Variants in KCNJ3 observed in about 807,000 individuals in gnomAD.
KCNJ3 encodes G protein-activated inward rectifier potassium channel 1.
In KCNJ3, 4 loss-of-function variants were observed where a neutral mutation model predicts 39.2. The observed-to-expected ratio is 0.10, with a 90% CI of 0.05 to 0.23. KCNJ3 has a LOEUF of 0.23. Ranked by LOEUF, KCNJ3 falls within the 10% of genes least tolerant of loss-of-function variation. The pLI, the probability that KCNJ3 is intolerant of heterozygous loss-of-function variation, is 1.00. For synonymous variants in KCNJ3, 230 were observed against 237.4 expected, an observed-to-expected ratio of 0.97 and a Z score of 0.29; for missense variants, 276 against 634.9, an observed-to-expected ratio of 0.43 and a Z score of 6.08.
At chr2:154,813,060 C>A (rs1687028786) in intron 2 of KCNJ3, among the ~76,000 whole-genome samples, 1 of 152,124 alleles carries the variant, frequency 6.6e-6, no homozygotes, top group Non-Finnish European at 1.5e-5. Context: ...GTAAGGGTAA[C>A]TCATTAACCC....
At chr2:154,727,770 C>T (rs1022693056) in intron 2 of KCNJ3, among the ~76,000 whole-genome samples, 17 of 151,408 alleles carry the variant, frequency 1.1e-4, no homozygotes, top group African/African-American at 3.6e-4. Flanking sequence ...TTAAAAATGG[C>T]GTTTATAATA....
intron 2 of KCNJ3, among the ~76,000 whole-genome samples, chr2:154,830,984 C>A (rs1316693162): frequency 6.6e-6 from 1 of 152,092 alleles, no homozygotes. Context: ...CTTCTAAATC[C>A]AATTAGTTGT....
intron 2 of KCNJ3, among the ~76,000 whole-genome samples, chr2:154,787,571 TA>T (rs1280985918): frequency 1.3e-5 from 2 of 152,054 alleles, no homozygotes; most frequent in African/African-American, 4.8e-5. Context: ...TACCTCTTCT[TA>T]TTCTTTCTGT....
rs1190035384 is a variant in KCNJ3 at position 154,856,584 on chromosome 2, G to T, written c.*1271G>T. On this transcript the variant is annotated 3_prime_UTR_variant, in exon 3 of 3. Coordinates refer to ENST00000295101, the MANE Select transcript of KCNJ3 (RefSeq NM_002239.4). ...CCTGTCACTTATAGTTCAGGAGGAAGTTTTTGCACAGACCAGAGAGAAATT... is the reference window on the plus strand; with the variant it reads ...CCTGTCACTTATAGTTCAGGAGGAATTTTTTGCACAGACCAGAGAGAAATT... The T allele has an allele frequency of 1.3e-5, 2 of 152,122 alleles. No homozygotes were observed. Among genetic ancestry groups the T allele is most frequent in the Non-Finnish European group, 2.9e-5 (2 of 67,998 alleles). 9.4% of individuals were successfully genotyped at this position (152,122 alleles called of 1,614,324 possible). A position where few individuals can be genotyped will look rare whatever the true frequency, so the allele number is the denominator to read the frequency against.
intron 2 of KCNJ3, among the ~76,000 whole-genome samples, chr2:154,800,419 G>A (rs1241971763): frequency 6.6e-6 from 1 of 152,124 alleles, no homozygotes; most frequent in Non-Finnish European, 1.5e-5. Flanking sequence ...TTTGTGAAAT[G>A]GAGGACGGGA....
At chr2:154,851,735 G>A (rs1397911537) in intron 2 of KCNJ3, among the ~76,000 whole-genome samples, 1 of 152,120 alleles carries the variant, frequency 6.6e-6, no homozygotes, top group Non-Finnish European at 1.5e-5. Flanking sequence ...TGGCATTTCA[G>A]TAACAATGAT....
At chr2:154,745,589 C>T (rs1271698571) in intron 2 of KCNJ3, among the ~76,000 whole-genome samples, 2 of 151,904 alleles carry the variant, frequency 1.3e-5, no homozygotes, top group Non-Finnish European at 2.9e-5. Flanking sequence ...CCATTGTTTT[C>T]AAATGTGATT....
chr2:154,802,372 T>C (rs548853952), intron 2 of KCNJ3, among the ~76,000 whole-genome samples: 2 of 152,258 alleles, frequency 1.3e-5, no homozygotes, highest in South Asian at 4.1e-4. Context: ...TATTATCGTT[T>C]CCTGATATTA....
chr2:154,706,797 A>G (rs371411738), intron 1 of KCNJ3, among the ~76,000 whole-genome samples: 18 of 152,232 alleles, frequency 1.2e-4, no homozygotes, highest in African/African-American at 3.8e-4. Context: ...CATGTGACTG[A>G]ACACTGCTAA....
At chr2:154,805,371 A>T (rs1686892185) in intron 2 of KCNJ3, among the ~76,000 whole-genome samples, 1 of 152,172 alleles carries the variant, frequency 6.6e-6, no homozygotes, top group Non-Finnish European at 1.5e-5. Context: ...GCCGGGCTGA[A>T]ATGAAGGAGA....
intron 1 of KCNJ3, among the ~76,000 whole-genome samples, chr2:154,700,968 T>A (rs1359392225): frequency 1.3e-5 from 2 of 152,176 alleles, no homozygotes; most frequent in Non-Finnish European, 2.9e-5. Flanking sequence ...ATAATTTGGG[T>A]AGATCATATT....
chr2:154,702,114 G>C (rs1358051344), intron 1 of KCNJ3, among the ~76,000 whole-genome samples: 1 of 151,792 alleles, frequency 6.6e-6, no homozygotes, highest in Non-Finnish European at 1.5e-5. Context: ...CAAAATCTTG[G>C]CATAATAATA....
intron 2 of KCNJ3, among the ~76,000 whole-genome samples, chr2:154,772,964 A>T (rs1395539628): frequency 6.6e-6 from 1 of 152,120 alleles, no homozygotes; most frequent in Non-Finnish European, 1.5e-5. Context: ...AATATATTTT[A>T]TTCTAGAAAA....
At chr2:154,848,448 A>T (rs1013354314) in intron 2 of KCNJ3, among the ~76,000 whole-genome samples, 1 of 152,206 alleles carries the variant, frequency 6.6e-6, no homozygotes, top group South Asian at 2.1e-4. Context: ...TTTTATGTTT[A>T]TAATTAGCAA....
chr2:154,766,385 CTT>C (rs1283710474), intron 2 of KCNJ3, among the ~76,000 whole-genome samples: 1 of 151,976 alleles, frequency 6.6e-6, no homozygotes, highest in Non-Finnish European at 1.5e-5. Context: ...TGGCAAGAAA[CTT>C]AGGAAAGATA....
chr2:154,812,574 A>G (rs909910655), intron 2 of KCNJ3, among the ~76,000 whole-genome samples: 2 of 152,096 alleles, frequency 1.3e-5, no homozygotes, highest in East Asian at 1.9e-4. Context: ...GTTGCTTGGA[A>G]TTTCTTGTAG....
At chr2:154,760,057 G>A (rs1329938882) in intron 2 of KCNJ3, among the ~76,000 whole-genome samples, 1 of 152,086 alleles carries the variant, frequency 6.6e-6, no homozygotes, top group Non-Finnish European at 1.5e-5. Context: ...GTAACACACT[G>A]CCAAATTGCT....
chr2:154,699,288 C>A lies in KCNJ3; in HGVS notation c.513C>A (p.Ile171=). 1 of 1,614,074 alleles carries A rather than the reference C, an allele frequency of 6.2e-7. No individual in the cohort carries two copies. Among genetic ancestry groups the A allele is most frequent in the Non-Finnish European group, 8.5e-7 (1 of 1,180,038 alleles). Residue 171 remains isoleucine (I), a synonymous_variant, in exon 1 of 3, where the codon ATC becomes ATA. Coordinates refer to ENST00000295101, the MANE Select transcript of KCNJ3 (RefSeq NM_002239.4). The surrounding 1 kb of genome is among the most constrained non-coding windows in gnomAD (Gnocchi z 6.4). The part of the protein sequence containing the change: ...LFLFQSILGS[I]VDAFLIGCMF... ...TCTTCCAGTCCATCCTGGGCTCCATCGTGGACGCCTTCCTCATCGGCTGCA... is the reference window on the plus strand; with the variant it reads ...TCTTCCAGTCCATCCTGGGCTCCATAGTGGACGCCTTCCTCATCGGCTGCA...
intron 2 of KCNJ3, among the ~76,000 whole-genome samples, chr2:154,740,677 C>A (rs373241204): frequency 6.6e-6 from 1 of 151,936 alleles, no homozygotes; most frequent in Admixed American, 6.6e-5. Context: ...AGCACTGACT[C>A]TCTTTTTAAT....
Sources: gnomAD v4.1 joint callset for allele counts (sites outside exome capture counted in the v4.1 genomes callset) on GRCh38, gnomAD v4.1.1 for gene constraint, Gnocchi (gnomAD v3.1) non-coding constraint, MANE v1.5 for transcripts, NCBI Gene and HGNC (gene_info 2026-07-23, HGNC 2026-07-21) for gene names.